C5: variants seen among roughly 807,000 people sequenced by gnomAD.
C5 encodes complement C5, also known as C3 and PZP-like alpha-2-macroglobulin domain-containing protein 4.
C5 carries 140 observed loss-of-function variants against 218.8 expected under a neutral mutation model. The observed-to-expected ratio is 0.64, with a 90% CI of 0.56 to 0.74. C5 has a LOEUF of 0.74. Among genes scored for constraint, C5 ranks in the 30% least tolerant of loss-of-function variants. C5 has a pLI of 0.00. For synonymous variants in C5, 614 were observed against 682.3 expected, an observed-to-expected ratio of 0.90 and a Z score of 1.56; for missense variants, 1,700 against 1,969.6, an observed-to-expected ratio of 0.86 and a Z score of 2.59.
chr9:120,967,908 A>C (rs2046881252), intron 33 of C5, among the ~76,000 whole-genome samples: 1 of 151,978 alleles, frequency 6.6e-6, no homozygotes, highest in South Asian at 2.1e-4. Context: ...TTTGCTGTAG[A>C]GATGGGGTCT....
the C5 span, among the ~76,000 whole-genome samples, chr9:121,062,312 G>C: frequency 6.6e-6 from 1 of 152,092 alleles, no homozygotes; most frequent in East Asian, 1.9e-4. Context: ...AAGGAATTGT[G>C]GACATAAATA....
At chr9:121,046,920 A>G (rs980011228) in intron 1 of C5, among the ~76,000 whole-genome samples, 5 of 152,188 alleles carry the variant, frequency 3.3e-5, no homozygotes, top group African/African-American at 1.2e-4. Flanking sequence ...AGATTTATTA[A>G]TCTCACTAAA....
chr9:120,966,347 G>A (rs538168598), intron 33 of C5, among the ~76,000 whole-genome samples: 65 of 152,254 alleles, frequency 4.3e-4, no homozygotes, highest in African/African-American at 1.5e-3. Context: ...TTTTCTGTAC[G>A]GCAGAATTGT....
intron 3 of C5, among the ~76,000 whole-genome samples, chr9:121,040,660 C>T (rs2047569752): frequency 6.6e-6 from 1 of 152,142 alleles, no homozygotes; most frequent in South Asian, 2.1e-4. Context: ...AAGTGCTTTA[C>T]ACATACTAAT....
chr9:121,045,883 T>C (rs1588001251), intron 2 of C5, among the ~76,000 whole-genome samples: 2 of 152,186 alleles, frequency 1.3e-5, no homozygotes, highest in East Asian at 3.8e-4. Context: ...TTTCTAATAG[T>C]AATTTTCATA....
chr9:120,982,989 C>T (rs951959584), intron 25 of C5, among the ~76,000 whole-genome samples, 175 bp from the exon 26 acceptor site: 1 of 152,144 alleles, frequency 6.6e-6, no homozygotes, highest in Non-Finnish European at 1.5e-5. Context: ...CCAAAACATT[C>T]GGTAAACAAA....
At chr9:121,014,812 A>G (rs1486039045) in intron 16 of C5, among the ~76,000 whole-genome samples, 1 of 152,164 alleles carries the variant, frequency 6.6e-6, no homozygotes, top group Non-Finnish European at 1.5e-5. Flanking sequence ...CTAACAGTTA[A>G]ATATATGAAA....
chr9:121,053,157 C>G (rs2047681288), upstream of C5, among the ~76,000 whole-genome samples: 1 of 152,144 alleles, frequency 6.6e-6, no homozygotes, highest in South Asian at 2.1e-4. Flanking sequence ...GAAACAGAGG[C>G]GTCTCCTCAG....
At chr9:120,989,903 C>G (rs1040266294) in intron 23 of C5, 123 bp from the exon 24 acceptor site, 7 of 748,228 alleles carry the variant, frequency 9.4e-6, no homozygotes, top group Non-Finnish European at 1.6e-5. Context: ...AGTTGACTTG[C>G]TTCTCAGAAA....
At chr9:121,033,248 A>G (rs1052676800) in intron 5 of C5, among the ~76,000 whole-genome samples, 2 of 152,194 alleles carry the variant, frequency 1.3e-5, no homozygotes, top group African/African-American at 4.8e-5. Context: ...GGCCCACCTT[A>G]AAGAGTTTAT....
At chr9:121,010,114 T>C (rs940718326) in intron 17 of C5, among the ~76,000 whole-genome samples, 1 of 152,170 alleles carries the variant, frequency 6.6e-6, no homozygotes, top group African/African-American at 2.4e-5. Flanking sequence ...CAAGTCCTAG[T>C]GCACTGGAAG....
intron 17 of C5, among the ~76,000 whole-genome samples, chr9:121,012,053 C>A (rs2047266171): frequency 6.6e-6 from 1 of 151,928 alleles, no homozygotes; most frequent in African/African-American, 2.4e-5. Flanking sequence ...CTTGACAGCA[C>A]AACAGGGTGA....
In C5 at chr9:121,027,300, T is replaced by G. The variant is rs757157667; in HGVS notation, c.759-26A>C. On this transcript the variant is annotated intron_variant, in intron 7 of 40. Transcript: ENST00000223642. Reference sequence around the variant, plus strand: ...CTGTCAGACAATAGCATAAAACTGTTTTACTAACATGGTTACAATAACAGG... The same window carrying G: ...CTGTCAGACAATAGCATAAAACTGTGTTACTAACATGGTTACAATAACAGG... 4.1e-5 allele frequency: 43 copies of G among 1,051,756 alleles called. No homozygotes were observed. The Admixed American group carries it at 7.5e-4, about 18-fold the overall frequency. The allele number at this position is 1,051,756 out of a possible 1,614,324, so 65.2% of individuals were successfully genotyped here.
At chr9:121,021,907 A>C (rs1040593804) in intron 10 of C5, among the ~76,000 whole-genome samples, 3 of 151,720 alleles carry the variant, frequency 2.0e-5, no homozygotes, top group Admixed American at 6.6e-5. Flanking sequence ...TGCAACCTTG[A>C]ACTATTGGCC....
chr9:120,990,971 A>G lies in C5; in HGVS notation c.2941+220T>C, dbSNP rs571373175. On this transcript the variant is annotated intron_variant, in intron 23 of 40. Transcript: ENST00000223642. ...GACAGTCCCTACCTTCCATTGGAGG[A>G]GAATGCATCTCCATGTAAATCAGGC... Among the ~76,000 whole-genome samples, 12 of 152,274 alleles carry G rather than the reference A, an allele frequency of 7.9e-5. No individual in the cohort carries two copies. In the East Asian group the frequency reaches 2.1e-3, roughly 27 times the overall value.
chr9:120,996,343 A>G (rs373506401), intron 21 of C5, 43 bp from the exon 22 acceptor site: 13 of 1,531,044 alleles, frequency 8.5e-6, no homozygotes, highest in Non-Finnish European at 1.1e-5. Context: ...ACATAAGTTT[A>G]TATAACCTGA....
upstream of C5, among the ~76,000 whole-genome samples, chr9:121,054,574 T>C (rs1427623957): frequency 6.6e-6 from 1 of 152,188 alleles, no homozygotes; most frequent in Non-Finnish European, 1.5e-5. Flanking sequence ...CACTCCAGCC[T>C]GGGCAACGAG....
At chr9:121,044,385 A>G (rs1449220266) in intron 2 of C5, among the ~76,000 whole-genome samples, 1 of 152,174 alleles carries the variant, frequency 6.6e-6, no homozygotes, top group African/African-American at 2.4e-5. Context: ...CTGAGGTGGG[A>G]GAATTGCTTG....
intron 5 of C5, among the ~76,000 whole-genome samples, chr9:121,033,013 GGTGTGTGTGTGTGTGT>G (rs370287463): frequency 7.0e-6 from 1 of 143,072 alleles, no homozygotes; most frequent in African/African-American, 2.9e-5. Flanking sequence ...AAAAACTATG[GGTGTGTGTGTGTGTGT>G]GTGTGTGTGT....
Sources: gnomAD v4.1 joint callset for allele counts (sites outside exome capture counted in the v4.1 genomes callset) on GRCh38, gnomAD v4.1.1 for gene constraint, MANE v1.5 for transcripts, NCBI Gene and HGNC (gene_info 2026-07-23, HGNC 2026-07-21) for gene names.